The following CCBE1 variants were observed in gnomAD, a reference collection of about 807,000 sequenced individuals.
CCBE1 encodes collagen and calcium binding EGF domains 1.
A neutral mutation model predicts 50.0 loss-of-function variants in CCBE1; 37 were observed. The observed-to-expected ratio is 0.74, with a 90% CI of 0.57 to 0.97. The LOEUF is 0.97. Ranked by LOEUF, CCBE1 falls within the 50% of genes least tolerant of loss-of-function variation. CCBE1 has a pLI of 0.00. For missense variants in CCBE1, 538 were observed against 523.8 expected (o/e 1.03, Z -0.26); for synonymous variants, 234 against 203.7 (o/e 1.15, Z -1.27).
chr18:59,644,724 C>T (rs1031699054), intron 2 of CCBE1, among the ~76,000 whole-genome samples: 6 of 152,122 alleles, frequency 3.9e-5, no homozygotes, highest in South Asian at 2.1e-4. Flanking sequence ...TTTCTCCCCC[C>T]ACACCGTCAC....
chr18:59,641,099 C>T (rs1259175247), intron 2 of CCBE1, among the ~76,000 whole-genome samples: 2 of 152,114 alleles, frequency 1.3e-5, no homozygotes, highest in Non-Finnish European at 2.9e-5. Context: ...ACAGTGACCC[C>T]TCAATCCCAT....
At chr18:59,683,938 T>TC (rs1164067590) in intron 2 of CCBE1, among the ~76,000 whole-genome samples, 1 of 151,142 alleles carries the variant, frequency 6.6e-6, no homozygotes, top group Non-Finnish European at 1.5e-5. Flanking sequence ...ACCCCTCCCT[T>TC]CCCTAGGACA....
intron 2 of CCBE1, among the ~76,000 whole-genome samples, chr18:59,681,935 G>A (rs563115280): frequency 9.2e-5 from 14 of 152,336 alleles, no homozygotes; most frequent in African/African-American, 3.1e-4. Flanking sequence ...GAAGGTGGGA[G>A]TGGTCCCTGT....
At chr18:59,552,782 G>T (rs942089075) in intron 2 of CCBE1, among the ~76,000 whole-genome samples, 9 of 152,168 alleles carry the variant, frequency 5.9e-5, no homozygotes, top group Non-Finnish European at 8.8e-5. Context: ...AGGAACAAAT[G>T]TAACCAATCA....
At chr18:59,438,694 G>T (rs1400423689) in intron 9 of CCBE1, among the ~76,000 whole-genome samples, 4 of 152,202 alleles carry the variant, frequency 2.6e-5, no homozygotes, top group Non-Finnish European at 2.9e-5. Flanking sequence ...TGTCTTTGGG[G>T]TTGGTTTTGG....
intron 2 of CCBE1, among the ~76,000 whole-genome samples, chr18:59,508,636 C>G (rs1476373444): frequency 6.6e-6 from 1 of 151,294 alleles, no homozygotes; most frequent in Non-Finnish European, 1.5e-5. Context: ...AGAAACTACC[C>G]CATAATGTTC....
At chr18:59,501,944 G>A (rs1423950450) in intron 2 of CCBE1, among the ~76,000 whole-genome samples, 9 of 152,046 alleles carry the variant, frequency 5.9e-5, no homozygotes, top group Non-Finnish European at 1.3e-4. Context: ...AACTACAGGC[G>A]TGCACCATCA....
At chr18:59,549,782 T>C (rs1273532781) in intron 2 of CCBE1, among the ~76,000 whole-genome samples, 1 of 152,182 alleles carries the variant, frequency 6.6e-6, no homozygotes, top group Non-Finnish European at 1.5e-5. Context: ...GCTATCCACA[T>C]TGGTCAGTGA....
chr18:59,562,860 T>G (rs1296093288), intron 2 of CCBE1, among the ~76,000 whole-genome samples: 1 of 151,034 alleles, frequency 6.6e-6, no homozygotes, highest in Non-Finnish European at 1.5e-5. Context: ...GTGCCATCAC[T>G]GAGCCTGTGG....
At chr18:59,659,290 T>G (rs1021299804) in intron 2 of CCBE1, among the ~76,000 whole-genome samples, 10 of 136,092 alleles carry the variant, frequency 7.3e-5, no homozygotes, top group African/African-American at 2.6e-4. Context: ...TAAAAGAATT[T>G]ACATGTTTTT....
chr18:59,586,057 G>A (rs900591847), intron 2 of CCBE1, among the ~76,000 whole-genome samples: 2 of 152,158 alleles, frequency 1.3e-5, no homozygotes, highest in African/African-American at 4.8e-5. Flanking sequence ...TTAATTTGAT[G>A]CATGTAAAAT....
rs145235021 is a variant in CCBE1 at position 59,623,681 on chromosome 18, G to T, written c.212+72948C>A. Among the ~76,000 whole-genome samples the T allele has an allele frequency of 6.5e-3, 990 of 152,268 alleles. 6 individuals are homozygous for T. Among genetic ancestry groups the T allele is most frequent in the African/African-American group, 0.022 (905 of 41,532 alleles). ...GCTACAGATCAGTACAAAAGCAAGG[G>T]GTTGGAGGGCCGGGGGCTGAGGGGA... On this transcript the variant is annotated intron_variant, in intron 2 of 10. Coordinates refer to ENST00000439986, the MANE Select transcript of CCBE1 (RefSeq NM_133459.4).
intron 1 of CCBE1, 114 bp downstream of exon 1, chr18:59,697,098 G>A (rs1268886141): frequency 5.7e-6 from 8 of 1,396,542 alleles, no homozygotes; most frequent in African/African-American, 1.4e-5. Context: ...CCCCGGAGAA[G>A]TGAGGGCGTG....
chr18:59,630,548 C>T (rs2053837461), intron 2 of CCBE1, among the ~76,000 whole-genome samples: 1 of 150,062 alleles, frequency 6.7e-6, no homozygotes, highest in Non-Finnish European at 1.5e-5. Context: ...TGTCACTTAA[C>T]TGGCAGATGG....
intron 2 of CCBE1, among the ~76,000 whole-genome samples, chr18:59,639,523 C>T (rs2053957037): frequency 6.6e-6 from 1 of 152,118 alleles, no homozygotes; most frequent in African/African-American, 2.4e-5. Context: ...TATGACAAAC[C>T]CATAGCCAAC....
chr18:59,558,483 T>A (rs963550070), intron 2 of CCBE1, among the ~76,000 whole-genome samples: 4 of 152,080 alleles, frequency 2.6e-5, no homozygotes, highest in African/African-American at 9.7e-5. Context: ...ACTCAGTGAG[T>A]TTAGAGCACA....
At chr18:59,481,313 G>C (rs1274028588) in intron 2 of CCBE1, among the ~76,000 whole-genome samples, 1 of 141,470 alleles carries the variant, frequency 7.1e-6, no homozygotes, top group South Asian at 2.2e-4. Context: ...CTTAAAAAAA[G>C]GAACAGAGAC....
At chr18:59,440,569 A>G (rs190019772) in intron 7 of CCBE1, among the ~76,000 whole-genome samples, 9 of 151,866 alleles carry the variant, frequency 5.9e-5, no homozygotes, top group African/African-American at 1.9e-4. Context: ...TAACCCACCT[A>G]CTTTCAACCT....
intron 2 of CCBE1, among the ~76,000 whole-genome samples, chr18:59,586,703 A>G (rs376556094): frequency 2.0e-5 from 3 of 152,228 alleles, no homozygotes; most frequent in African/African-American, 7.2e-5. Flanking sequence ...AAAATTTTCA[A>G]CAAAAGTTTC....
Sources: gnomAD v4.1 joint callset for allele counts (sites outside exome capture counted in the v4.1 genomes callset) on GRCh38, gnomAD v4.1.1 for gene constraint, MANE v1.5 for transcripts, NCBI Gene and HGNC (gene_info 2026-07-23, HGNC 2026-07-21) for gene names.